Variants in NXPE2 observed in about 807,000 individuals in gnomAD.
NXPE2 encodes neurexophilin and PC-esterase domain family member 2, also known as NXPE family member 2.
In NXPE2, 34 loss-of-function variants were observed where a neutral mutation model predicts 34.4. That is an observed-to-expected ratio of 0.99 (90% CI 0.75 to 1.31). The LOEUF is 1.31. Among genes scored for constraint, NXPE2 ranks in the 40% most tolerant of loss-of-function variants. NXPE2 has a pLI of 0.00. For synonymous variants in NXPE2, 235 were observed against 231.3 expected (o/e 1.02, Z -0.15); for missense variants, 649 against 672.5 (o/e 0.97, Z 0.39).
the NXPE2 span, among the ~76,000 whole-genome samples, chr11:114,613,394 G>C: frequency 6.6e-6 from 1 of 150,978 alleles, no homozygotes; most frequent in East Asian, 2.0e-4. Context: ...GTGTTGCCTC[G>C]TGGGTGGGTA....
chr11:114,666,799 C>T, the NXPE2 span, among the ~76,000 whole-genome samples: 1 of 152,044 alleles, frequency 6.6e-6, no homozygotes. Context: ...TGGTCTTTTC[C>T]TTGTATTTAC....
At chr11:114,616,682 G>A in the NXPE2 span, among the ~76,000 whole-genome samples, 283 of 151,730 alleles carry the variant, frequency 1.9e-3, 15 homozygotes, top group African/African-American at 6.5e-3. Flanking sequence ...TGGATAATAC[G>A]TGTTGCCTCG....
At chr11:114,700,244 C>T (rs1951340136) in intron 3 of NXPE2, among the ~76,000 whole-genome samples, 1 of 151,998 alleles carries the variant, frequency 6.6e-6, no homozygotes, top group African/African-American at 2.4e-5. Flanking sequence ...TTAAGATGAC[C>T]CCACGGCTCT....
At chr11:114,729,154 T>C in the NXPE2 span, among the ~76,000 whole-genome samples, 47 of 152,260 alleles carry the variant, frequency 3.1e-4, 1 homozygote, top group Admixed American at 2.5e-3. Context: ...CACTTATAAG[T>C]GAGAACATGT....
chr11:114,540,424 A>G, the NXPE2 span, among the ~76,000 whole-genome samples: 4 of 152,260 alleles, frequency 2.6e-5, no homozygotes, highest in Non-Finnish European at 4.4e-5. Context: ...TAAAATAAAT[A>G]CAAACACTAA....
chr11:114,538,175 G>A, the NXPE2 span, among the ~76,000 whole-genome samples: 1 of 152,158 alleles, frequency 6.6e-6, no homozygotes, highest in African/African-American at 2.4e-5. Context: ...AGAAGAAATG[G>A]GGAAAGGATT....
the NXPE2 span, among the ~76,000 whole-genome samples, chr11:114,491,722 A>C: frequency 6.6e-6 from 1 of 152,162 alleles, no homozygotes; most frequent in Non-Finnish European, 1.5e-5. Context: ...GTGTTTATTG[A>C]GGCACTAATC....
At chr11:114,475,453 A>G in the NXPE2 span, among the ~76,000 whole-genome samples, 1 of 151,976 alleles carries the variant, frequency 6.6e-6, no homozygotes. Flanking sequence ...CATGTTGGCC[A>G]GGCTGGTCTC....
chr11:114,573,758 T>C, the NXPE2 span, among the ~76,000 whole-genome samples: 1 of 151,926 alleles, frequency 6.6e-6, no homozygotes, highest in African/African-American at 2.4e-5. Context: ...GGCAATACAA[T>C]AGTGGGGAAC....
the NXPE2 span, among the ~76,000 whole-genome samples, chr11:114,487,772 G>T: frequency 6.6e-6 from 1 of 151,948 alleles, no homozygotes. Context: ...TAATTGAAGT[G>T]ATCGTATGGT....
intron 2 of NXPE2, 60 bp from the exon 3 acceptor site, chr11:114,697,985 A>T (rs748505903): frequency 5.1e-6 from 7 of 1,373,578 alleles, no homozygotes; most frequent in Non-Finnish European, 6.7e-6. Context: ...AATAATTTAT[A>T]TTGAAAAGCA....
the NXPE2 span, among the ~76,000 whole-genome samples, chr11:114,609,629 G>C: frequency 2.6e-5 from 4 of 151,290 alleles, no homozygotes; most frequent in African/African-American, 9.7e-5. Flanking sequence ...CTTACCCGAT[G>C]GATAATAAGT....
At chr11:114,548,227 T>G in the NXPE2 span, among the ~76,000 whole-genome samples, 5 of 152,246 alleles carry the variant, frequency 3.3e-5, no homozygotes, top group South Asian at 2.1e-4. Context: ...AAATTCACTT[T>G]AAGGATAGCC....
the NXPE2 span, among the ~76,000 whole-genome samples, chr11:114,749,533 A>T: frequency 6.6e-6 from 1 of 152,248 alleles, no homozygotes; most frequent in African/African-American, 2.4e-5. Context: ...TGAAGCCCAC[A>T]GAAAAGGAGG....
chr11:114,580,080 G>T, the NXPE2 span: 3 of 1,441,038 alleles, frequency 2.1e-6, no homozygotes, highest in Non-Finnish European at 2.9e-6. Context: ...CCTTTGAAAT[G>T]GAAAAGAAGT....
At chr11:114,753,616 A>G in the NXPE2 span, among the ~76,000 whole-genome samples, 8 of 152,332 alleles carry the variant, frequency 5.3e-5, no homozygotes, top group Non-Finnish European at 1.0e-4. Context: ...GAAATTGTCT[A>G]TTTGAGGAGG....
At chr11:114,778,256 C>A in the NXPE2 span, among the ~76,000 whole-genome samples, 1 of 152,126 alleles carries the variant, frequency 6.6e-6, no homozygotes, top group Non-Finnish European at 1.5e-5. Context: ...ATGACAAAGA[C>A]CTTGACTCTC....
chr11:114,708,694 T>C (rs577047729), downstream of NXPE2, among the ~76,000 whole-genome samples: 8 of 151,694 alleles, frequency 5.3e-5, no homozygotes, highest in East Asian at 1.5e-3. Flanking sequence ...GGTCATACAC[T>C]TTAGCACCAG....
At chr11:114,700,384 C>T (rs1951342937) in intron 3 of NXPE2, among the ~76,000 whole-genome samples, 2 of 152,048 alleles carry the variant, frequency 1.3e-5, no homozygotes, top group African/African-American at 4.8e-5. Flanking sequence ...GAGCAGCAAC[C>T]TGAGTTAAGT....
Sources: allele counts gnomAD v4.1 joint callset (sites outside exome capture counted in the v4.1 genomes callset), GRCh38; gene constraint gnomAD v4.1.1; transcripts MANE v1.5; gene names NCBI Gene and HGNC (gene_info 2026-07-23, HGNC 2026-07-21).